The following RAD54L2 variants were observed in gnomAD, a reference collection of about 807,000 sequenced individuals.
The protein encoded by RAD54L2 is helicase ARIP4.
Under a neutral mutation model 138.4 loss-of-function variants are expected in RAD54L2, and 27 were observed. That is an observed-to-expected ratio of 0.20 (90% CI 0.14 to 0.27). RAD54L2 has a LOEUF of 0.27. Ranked by LOEUF, RAD54L2 falls within the 10% of genes least tolerant of loss-of-function variation. The pLI is 1.00. For synonymous variants in RAD54L2, 644 were observed against 723.2 expected (o/e 0.89, Z 1.76); for missense variants, 1,396 against 1,890.2 (o/e 0.74, Z 4.85).
chr3:51,569,575 G>T (rs1699291121), intron 2 of RAD54L2, among the ~76,000 whole-genome samples: 1 of 152,014 alleles, frequency 6.6e-6, no homozygotes, highest in Admixed American at 6.6e-5. Context: ...GTAGAGACTG[G>T]GTTTTACCAT....
Position 51,667,707 on chromosome 3 carries a change from C to T in RAD54L2, c.*4287C>T, listed in dbSNP as rs773132815. ...CCGTTCCCCTGCTGCCAACTCTTCT[C>T]TTCTGCCCTGTGTATTCTGCTGTGA... On this transcript the variant is annotated 3_prime_UTR_variant, in exon 23 of 23. Coordinates refer to ENST00000684192, the MANE Select transcript of RAD54L2 (RefSeq NM_015106.4). The T allele has an allele frequency of 1.3e-5, 2 of 152,410 alleles. No individual in the cohort carries two copies. Among genetic ancestry groups the T allele is most frequent in the Admixed American group, 1.3e-4 (2 of 15,292 alleles). The allele number at this position is 152,410 out of a possible 1,614,324, so 9.4% of individuals were successfully genotyped here. A position where few individuals can be genotyped will look rare whatever the true frequency, so the allele number is the denominator to read the frequency against.
At position 51,662,789 on chromosome 3, in the gene RAD54L2, T is replaced by C. The variant is rs771792245; in HGVS notation, c.3773T>C (p.Leu1258Ser). Reference sequence around the variant, plus strand: ...GACTTAAGGGGCCACAAGCGAAAGTTGGCCACACCACCTGCTGCCCAGGAG... The same window carrying C: ...GACTTAAGGGGCCACAAGCGAAAGTCGGCCACACCACCTGCTGCCCAGGAG... ...VLDLRGHKRKLATPPAAQESS... is the reference protein window; with the variant it reads ...VLDLRGHKRKSATPPAAQESS... Residue 1258 changes from leucine (L) to serine (S), a missense_variant, in exon 23 of 23, where the codon TTG becomes TCG. Leu to Ser is a moderately radical substitution (Grantham distance 145, BLOSUM62 -2). This residue lies in a region of RAD54L2 where 634 missense variants were observed against 711.2 expected (regional missense o/e 0.89). Coordinates refer to ENST00000684192, the MANE Select transcript of RAD54L2 (RefSeq NM_015106.4). This position sits in a 1 kb window ranked among gnomAD's most constrained non-coding sequence, Gnocchi z 4.6. The C allele has an allele frequency of 3.1e-6, 5 of 1,610,948 alleles. No homozygotes were observed. Among genetic ancestry groups the C allele is most frequent in the Non-Finnish European group, 3.4e-6 (4 of 1,178,658 alleles).
At position 51,598,175 on chromosome 3, in the gene RAD54L2, GTGTA is replaced by G. The variant is rs1200335444; in HGVS notation, c.139+7618_139+7621del. ...TGTGTGTGTGTGTGTGTGTGTGTGT[GTGTA>G]TATATATATATATATATATTTGGCT... On this transcript the variant is annotated intron_variant, in intron 3 of 22. Coordinates refer to ENST00000684192, the MANE Select transcript of RAD54L2 (RefSeq NM_015106.4). 2.4e-3 allele frequency among the ~76,000 whole-genome samples: 350 copies of G among 143,172 alleles called. 1 individual carries two copies. Among genetic ancestry groups the G allele is most frequent in the African/African-American group, 4.1e-3 (162 of 39,140 alleles). The allele number at this position is 143,172 out of a possible 152,430, so 93.9% of individuals were successfully genotyped here.
At chr3:51,558,222 A>T (rs554967459) in intron 2 of RAD54L2, among the ~76,000 whole-genome samples, 3 of 152,212 alleles carry the variant, frequency 2.0e-5, no homozygotes, top group African/African-American at 7.2e-5. Context: ...GATTGACCGA[A>T]TCCATGCTCT....
intron 4 of RAD54L2, among the ~76,000 whole-genome samples, chr3:51,628,943 T>C (rs1700762923): frequency 6.6e-6 from 1 of 152,048 alleles, no homozygotes; most frequent in Admixed American, 6.5e-5. Flanking sequence ...CTCGAACTCC[T>C]GACCTCAGGT....
intron 3 of RAD54L2, among the ~76,000 whole-genome samples, chr3:51,598,473 C>T (rs1415986096): frequency 6.6e-6 from 1 of 152,132 alleles, no homozygotes; most frequent in African/African-American, 2.4e-5. Flanking sequence ...TGCGGTGGCT[C>T]ACGCCTGTAA....
intron 3 of RAD54L2, among the ~76,000 whole-genome samples, chr3:51,608,390 C>T (rs1340509591): frequency 6.6e-6 from 1 of 152,058 alleles, no homozygotes; most frequent in African/African-American, 2.4e-5. Flanking sequence ...CGATGGGCGG[C>T]CAGGCAGAGA....
At chr3:51,590,818 A>C (rs1192118705) in intron 3 of RAD54L2, among the ~76,000 whole-genome samples, 3 of 152,350 alleles carry the variant, frequency 2.0e-5, no homozygotes, top group Admixed American at 2.0e-4. Flanking sequence ...ACTCAGGTCC[A>C]GAGATTCGAG....
At chr3:51,639,088 T>G (rs1701061858) in intron 12 of RAD54L2, 1 of 332,202 alleles carries the variant, frequency 3.0e-6, no homozygotes, top group African/African-American at 2.1e-5. Flanking sequence ...TAGCAGACTG[T>G]AGCCACACTG....
At chr3:51,654,112 A>G (rs981184211) in intron 19 of RAD54L2, among the ~76,000 whole-genome samples, 11 of 150,662 alleles carry the variant, frequency 7.3e-5, no homozygotes. Flanking sequence ...TAATGGTGTG[A>G]TCTCGGCTCA....
At position 51,612,693 on chromosome 3, in the gene RAD54L2, A is replaced by T. The variant is rs1018395543; in HGVS notation, c.140-14860A>T. ...TTTGTTCATGATGGTCTTTGTTGTAAAAAAAAAAAAAAAAAACCTGTAATT... is the reference window on the plus strand; with the variant it reads ...TTTGTTCATGATGGTCTTTGTTGTATAAAAAAAAAAAAAAAACCTGTAATT... On this transcript the variant is annotated intron_variant, in intron 3 of 22. Coordinates refer to ENST00000684192, the MANE Select transcript of RAD54L2 (RefSeq NM_015106.4). 3.6e-3 allele frequency among the ~76,000 whole-genome samples: 15 copies of T among 4,216 alleles called. No individual in the cohort carries two copies. In the South Asian group the frequency reaches 0.097, roughly 27 times the overall value. The allele number at this position is 4,216 out of a possible 152,430, so 2.8% of individuals were successfully genotyped here.
rs1321503249 is a variant in RAD54L2 at position 51,637,823 on chromosome 3, T to G, written c.1682+320T>G. On this transcript the variant is annotated intron_variant, in intron 11 of 22. Transcript: ENST00000684192. This position sits in a 1 kb window ranked among gnomAD's most constrained non-coding sequence, Gnocchi z 5.9. ...AGGCTAGTCTAAAGCAGACCCCTCA[T>G]TTTTCCTTGTTGAGATGGCATATGG... Among the ~76,000 whole-genome samples, 1 of 152,238 alleles carries G rather than the reference T, an allele frequency of 6.6e-6. No homozygotes were observed. The highest frequency in any genetic ancestry group is 1.5e-5 in the Non-Finnish European group (1 of 68,038).
intron 2 of RAD54L2, among the ~76,000 whole-genome samples, chr3:51,554,022 G>T (rs1698906080): frequency 6.6e-6 from 1 of 152,152 alleles, no homozygotes; most frequent in African/African-American, 2.4e-5. Context: ...ATTGATGGCT[G>T]CTGACTGATC....
At position 51,629,462 on chromosome 3, in the gene RAD54L2, A is replaced by G; in HGVS notation, c.470A>G (p.Glu157Gly). ...GCCCCTATTCCTACTGTTCCGCTGG[A>G]GTTCCTCCCTGGTAAGCAGTGGACA... ...YAAPIPTVPLEFLPEEIALRA... is the reference protein window; with the variant it reads ...YAAPIPTVPLGFLPEEIALRA... The change falls in exon 5 of 23, where the codon GAG (glutamate) becomes GGG (glycine). Residue 157 changes from glutamate (E) to glycine (G), a missense_variant. Transcript: ENST00000684192. 6.2e-7 allele frequency: 1 copy of G among 1,612,722 alleles called. No individual in the cohort carries two copies.
At position 51,662,357 on chromosome 3, in the gene RAD54L2, A is replaced by C. The variant is rs747231735; in HGVS notation, c.3410-69A>C. ...TACAGGACAGGATTTTTTTTAATGGAGTTTTCTCCTCTACCCTTCTTCTCT... is the reference window on the plus strand; with the variant it reads ...TACAGGACAGGATTTTTTTTAATGGCGTTTTCTCCTCTACCCTTCTTCTCT... On this transcript the variant is annotated intron_variant, in intron 22 of 22. Coordinates refer to ENST00000684192, the MANE Select transcript of RAD54L2 (RefSeq NM_015106.4). This position sits in a 1 kb window ranked among gnomAD's most constrained non-coding sequence, Gnocchi z 4.6. 8.8e-6 allele frequency: 12 copies of C among 1,362,710 alleles called. No homozygotes were observed. Among genetic ancestry groups the C allele is most frequent in the Non-Finnish European group, 1.2e-5 (12 of 1,022,222 alleles). The allele number at this position is 1,362,710 out of a possible 1,614,324, so 84.4% of individuals were successfully genotyped here.
At chr3:51,613,594 C>T (rs1241002088) in intron 3 of RAD54L2, among the ~76,000 whole-genome samples, 1 of 151,990 alleles carries the variant, frequency 6.6e-6, no homozygotes. Context: ...TGGTGAAACC[C>T]TGTCTGTGGT....
In RAD54L2 at chr3:51,563,005, C is replaced by T. The variant is rs562916192; in HGVS notation, c.-55+21355C>T. 2.6e-5 allele frequency among the ~76,000 whole-genome samples: 4 copies of T among 152,282 alleles called. No individual in the cohort carries two copies. In the East Asian group the frequency reaches 7.7e-4, roughly 29 times the overall value. ...TGCCTACCCCATTCCCTGGACATTA[C>T]CTAACTGTCCAATTCTTTCTTCAAA... On this transcript the variant is annotated intron_variant, in intron 2 of 22. Transcript: ENST00000684192.
chr3:51,551,663 G>A (rs1003631340), intron 2 of RAD54L2, among the ~76,000 whole-genome samples: 23 of 151,932 alleles, frequency 1.5e-4, no homozygotes, highest in African/African-American at 4.8e-4. Context: ...TCGAACTCCT[G>A]ACATCAAATG....
At chr3:51,652,826 C>G (rs898376461) in intron 19 of RAD54L2, among the ~76,000 whole-genome samples, 2 of 152,140 alleles carry the variant, frequency 1.3e-5, no homozygotes, top group African/African-American at 4.8e-5. Flanking sequence ...CATAAAAACC[C>G]TAGATGAAAA....
Sources: allele counts gnomAD v4.1 joint callset (sites outside exome capture counted in the v4.1 genomes callset), GRCh38; gene constraint gnomAD v4.1.1; regional missense constraint gnomAD v4.1.1; non-coding constraint Gnocchi (gnomAD v3.1); transcripts MANE v1.5; gene names NCBI Gene and HGNC (gene_info 2026-07-23, HGNC 2026-07-21).